The following LMBR1 variants were observed in gnomAD, a reference collection of about 807,000 sequenced individuals.
The protein encoded by LMBR1 is limb region 1 protein homolog.
In LMBR1, 52 loss-of-function variants were observed where a neutral mutation model predicts 73.9. The ratio of observed to expected loss-of-function variants is 0.70; its 90% CI spans 0.56 to 0.89. The LOEUF is 0.89. Among genes scored for constraint, LMBR1 ranks in the 40% least tolerant of loss-of-function variants. The pLI is 0.00. For missense variants in LMBR1, 539 were observed against 579.8 expected, an observed-to-expected ratio of 0.93 and a Z score of 0.72; for synonymous variants, 215 against 209.4, an observed-to-expected ratio of 1.03 and a Z score of -0.23.
intron 4 of LMBR1, among the ~76,000 whole-genome samples, chr7:156,814,625 C>T (rs1393981513): frequency 6.6e-6 from 1 of 152,166 alleles, no homozygotes; most frequent in East Asian, 1.9e-4. Context: ...ATTTTTAAAA[C>T]CTCACCAGTT....
intron 1 of LMBR1, among the ~76,000 whole-genome samples, chr7:156,866,605 ATTTTT>A (rs112143582): frequency 7.3e-6 from 1 of 137,788 alleles, no homozygotes. Context: ...TTTTCTGGGG[ATTTTT>A]TTTTTTTTTT....
At chr7:156,827,495 G>A (rs1037406732) in intron 3 of LMBR1, among the ~76,000 whole-genome samples, 3 of 152,046 alleles carry the variant, frequency 2.0e-5, no homozygotes, top group African/African-American at 7.2e-5. Context: ...CAATCCCATA[G>A]GAAAGAGGGA....
intron 15 of LMBR1, among the ~76,000 whole-genome samples, chr7:156,708,626 A>G (rs1811470157): frequency 6.7e-6 from 1 of 149,048 alleles, no homozygotes; most frequent in Non-Finnish European, 1.5e-5. Flanking sequence ...AACTTTGGGC[A>G]CAAATTTTCT....
intron 4 of LMBR1, among the ~76,000 whole-genome samples, chr7:156,800,495 A>G (rs1830769311): frequency 6.6e-6 from 1 of 151,808 alleles, no homozygotes; most frequent in Non-Finnish European, 1.5e-5. Flanking sequence ...AAAAAAAAAA[A>G]AAAAAGATTT....
At chr7:156,875,922 C>G (rs1173732775) in intron 1 of LMBR1, among the ~76,000 whole-genome samples, 1 of 130,994 alleles carries the variant, frequency 7.6e-6, no homozygotes, top group Non-Finnish European at 1.7e-5. Context: ...AAAAAAAAAA[C>G]AAGGTATATA....
intron 15 of LMBR1, among the ~76,000 whole-genome samples, chr7:156,721,311 A>G (rs1251530214): frequency 6.6e-6 from 1 of 152,070 alleles, no homozygotes; most frequent in African/African-American, 2.4e-5. Flanking sequence ...CAAATAAAGA[A>G]TAACACAAAA....
rs139097727 is a variant in LMBR1, at chr7:156,880,029, T to C, written c.66+12899A>G. On this transcript the variant is annotated intron_variant, in intron 1 of 16. Coordinates refer to ENST00000353442, the MANE Select transcript of LMBR1 (RefSeq NM_022458.4). The stretch of plus-strand genomic sequence containing the variant: ...CTACCCAGAGGAAAAGAAGTCATTA[T>C]ACAAAAAAGATACTTGCATACACGT... Among the ~76,000 whole-genome samples the C allele has an allele frequency of 4.2e-3, 639 of 152,294 alleles. 2 individuals carry two copies. The highest frequency in any genetic ancestry group is 0.015 in the African/African-American group (616 of 41,548).
At chr7:156,772,501 A>G (rs1234925861) in intron 5 of LMBR1, among the ~76,000 whole-genome samples, 4 of 151,742 alleles carry the variant, frequency 2.6e-5, no homozygotes, top group Admixed American at 6.6e-5. Context: ...CATTCTCACC[A>G]CTCCTATTCA....
intron 8 of LMBR1, among the ~76,000 whole-genome samples, chr7:156,759,410 C>T (rs1053366159): frequency 1.2e-4 from 19 of 152,320 alleles, no homozygotes; most frequent in African/African-American, 4.6e-4. Context: ...CTCTTGGGTT[C>T]ACACTCTGCC....
chr7:156,816,947 T>C (rs1834004876), intron 4 of LMBR1, among the ~76,000 whole-genome samples: 1 of 152,176 alleles, frequency 6.6e-6, no homozygotes, highest in Admixed American at 6.5e-5. Context: ...ATTAATCAAA[T>C]CGCTCTGCTT....
intron 5 of LMBR1, among the ~76,000 whole-genome samples, chr7:156,771,029 A>C (rs1167873953): frequency 6.6e-6 from 1 of 152,186 alleles, no homozygotes; most frequent in Non-Finnish European, 1.5e-5. Context: ...AATTCTGATA[A>C]ATGTCTGGCT....
At chr7:156,715,808 TG>T (rs1009158893) in intron 15 of LMBR1, among the ~76,000 whole-genome samples, 1 of 152,232 alleles carries the variant, frequency 6.6e-6, no homozygotes, top group Non-Finnish European at 1.5e-5. Flanking sequence ...TACCAAAATC[TG>T]ATCATCCATT....
At position 156,721,192 on chromosome 7, in the gene LMBR1, TCC is replaced by T. The variant is rs1814487745; in HGVS notation, c.1225+2918_1225+2919del. 2.0e-5 allele frequency among the ~76,000 whole-genome samples: 3 copies of T among 152,152 alleles called. No homozygotes were observed. The South Asian group carries it at 6.2e-4, about 32-fold the overall frequency. On this transcript the variant is annotated intron_variant, in intron 15 of 16. Transcript: ENST00000353442. Reference sequence around the variant, plus strand: ...TAACTTACAAATTATAGAAAGAGCTTCCAAGATGAAAAATAACTGTAAAAATA... The same window carrying T: ...TAACTTACAAATTATAGAAAGAGCTTAAGATGAAAAATAACTGTAAAAATA...
intron 4 of LMBR1, among the ~76,000 whole-genome samples, chr7:156,807,335 C>G (rs556872473): frequency 1.4e-4 from 22 of 152,266 alleles, no homozygotes; most frequent in African/African-American, 4.8e-4. Context: ...ATAGAACTGA[C>G]AGTAAATCCT....
At chr7:156,761,084 G>A (rs1346784769) in intron 8 of LMBR1, among the ~76,000 whole-genome samples, 1 of 152,232 alleles carries the variant, frequency 6.6e-6, no homozygotes, top group Non-Finnish European at 1.5e-5. Context: ...CAGTCCTGGA[G>A]ACAGAATGCA....
chr7:156,795,697 T>TA, intron 5 of LMBR1, among the ~76,000 whole-genome samples: 1 of 152,106 alleles, frequency 6.6e-6, no homozygotes, highest in East Asian at 1.9e-4. Flanking sequence ...GGACCACAGG[T>TA]ACCCATCGCC....
intron 1 of LMBR1, among the ~76,000 whole-genome samples, chr7:156,854,277 T>A (rs1796641519): frequency 6.6e-6 from 1 of 152,140 alleles, no homozygotes; most frequent in South Asian, 2.1e-4. Flanking sequence ...GTAAAACACT[T>A]CAACTGTAAT....
At chr7:156,705,325 A>AGGTG (rs887081295) in intron 15 of LMBR1, among the ~76,000 whole-genome samples, 139 of 152,332 alleles carry the variant, frequency 9.1e-4, no homozygotes, top group African/African-American at 3.2e-3. Flanking sequence ...TGGGACGTCA[A>AGGTG]GGTGGGTGGA....
At chr7:156,789,246 C>T (rs975875113) in intron 5 of LMBR1, among the ~76,000 whole-genome samples, 1 of 152,142 alleles carries the variant, frequency 6.6e-6, no homozygotes, top group African/African-American at 2.4e-5. Context: ...AAAGAAGACA[C>T]ATTCACATAC....
Sources: gnomAD v4.1 joint callset for allele counts (sites outside exome capture counted in the v4.1 genomes callset) on GRCh38, gnomAD v4.1.1 for gene constraint, MANE v1.5 for transcripts, NCBI Gene and HGNC (gene_info 2026-07-23, HGNC 2026-07-21) for gene names.